ACSM2B: variants seen among roughly 807,000 people sequenced by gnomAD.
ACSM2B encodes the protein acyl-coenzyme A synthetase ACSM2B, mitochondrial.
In ACSM2B, 58 loss-of-function variants were observed where a neutral mutation model predicts 78.6. The ratio of observed to expected loss-of-function variants is 0.74; its 90% confidence interval spans 0.60 to 0.92. ACSM2B has a LOEUF of 0.92. ACSM2B is among the 40% of genes least tolerant of loss of function. The pLI, the probability that ACSM2B is intolerant of heterozygous loss-of-function variation, is 0.00. For synonymous variants in ACSM2B, 257 were observed against 256.8 expected (o/e 1.00, Z -0.01); for missense variants, 688 against 711.2 (o/e 0.97, Z 0.37).
intron 9 of ACSM2B, among the ~76,000 whole-genome samples, chr16:20,546,020 C>T (rs1419857560): frequency 6.6e-6 from 1 of 152,152 alleles, no homozygotes; most frequent in Non-Finnish European, 1.5e-5. Flanking sequence ...AAAAATCATG[C>T]TGCAGGTTGG....
In ACSM2B at chr16:20,553,767, C is replaced by T. The variant is rs750879046; in HGVS notation, c.740+10G>A. ...TGCAATTCTCTGTAGAGAGAAAGAG[C>T]TCAGCTTACCCAGCATCCATCTTGG... On this transcript the variant is annotated intron_variant, in intron 5 of 13. Transcript: ENST00000329697. 1 of 1,607,312 alleles carries T rather than the reference C, an allele frequency of 6.2e-7. No homozygotes were observed. The highest frequency in any genetic ancestry group is 8.5e-7 in the Non-Finnish European group (1 of 1,175,798).
chr16:20,559,136 T>C, intron 3 of ACSM2B, 101 bp downstream of exon 3: 1 of 1,485,552 alleles, frequency 6.7e-7, no homozygotes, highest in Non-Finnish European at 9.0e-7. Context: ...GACAGCATGC[T>C]CCAAGGCAGA....
In ACSM2B at chr16:20,570,095, T is replaced by C. The variant is rs542890430; in HGVS notation, c.-8-5242A>G. Among the ~76,000 whole-genome samples, 4 of 152,040 alleles carry C rather than the reference T, an allele frequency of 2.6e-5. No individual in the cohort carries two copies. In the East Asian group the frequency reaches 5.8e-4, roughly 22 times the overall value. ...GATCTGGCTAGGACTTCCAGTACTA[T>C]ACTGGATACAAGTGGTGAGAGTAAG... On this transcript the variant is annotated intron_variant, in intron 1 of 13. Coordinates refer to ENST00000329697, the MANE Select transcript of ACSM2B (RefSeq NM_001105069.2).
intron 10 of ACSM2B, chr16:20,544,885 T>C: frequency 8.8e-7 from 1 of 1,138,684 alleles, no homozygotes. Context: ...GGGTCAATAA[T>C]ATTTTGGGCA....
intron 10 of ACSM2B, chr16:20,544,638 G>C: frequency 1.0e-6 from 1 of 985,374 alleles, no homozygotes. Flanking sequence ...GCTTGAGCAA[G>C]TCTTGTAATC....
At chr16:20,548,327 T>A in intron 7 of ACSM2B, 67 bp downstream of exon 7, 2 of 1,607,826 alleles carry the variant, frequency 1.2e-6, no homozygotes, top group Non-Finnish European at 8.5e-7. Context: ...TAGATAGGCA[T>A]GAATGTATGT....
chr16:20,575,346 G>C (rs1322508033), intron 1 of ACSM2B: 1 of 151,220 alleles, frequency 6.6e-6, no homozygotes, highest in Non-Finnish European at 1.5e-5. Flanking sequence ...AGTTTACTAA[G>C]TATTAACATA....
At chr16:20,557,672 C>G (rs890175023) in intron 3 of ACSM2B, among the ~76,000 whole-genome samples, 7 of 152,236 alleles carry the variant, frequency 4.6e-5, no homozygotes, top group African/African-American at 1.7e-4. Context: ...CCATGGACCA[C>G]AAGGCACTGC....
intron 4 of ACSM2B, chr16:20,554,326 G>A (rs148897747): frequency 2.2e-5 from 8 of 361,744 alleles, no homozygotes; most frequent in African/African-American, 8.6e-5. Flanking sequence ...GGACAGGAGG[G>A]GTGGAATTAA....
chr16:20,567,457 A>G lies in ACSM2B; in HGVS notation c.-8-2604T>C, dbSNP rs557603416. ...TATATAATATATAGTATATTATTATATAACATATAATAATAGTATAACAGT... is the reference window on the plus strand; with the variant it reads ...TATATAATATATAGTATATTATTATGTAACATATAATAATAGTATAACAGT... On this transcript the variant is annotated intron_variant, in intron 1 of 13. Transcript: ENST00000329697. Among the ~76,000 whole-genome samples the G allele has an allele frequency of 2.5e-5, 3 of 119,544 alleles. No homozygotes were observed. The South Asian group carries it at 6.7e-4, about 27-fold the overall frequency. 78.4% of individuals were successfully genotyped at this position (119,544 alleles called of 152,430 possible).
chr16:20,537,488 C>T, intron 13 of ACSM2B, 126 bp from the exon 14 acceptor site: 1 of 986,978 alleles, frequency 1.0e-6, no homozygotes, highest in South Asian at 1.5e-5. Context: ...CCGCCCTGTG[C>T]AATAAGAAGC....
intron 8 of ACSM2B, chr16:20,547,485 GA>G (rs2015175239): frequency 1.0e-6 from 1 of 975,028 alleles, no homozygotes; most frequent in Non-Finnish European, 1.2e-6. Flanking sequence ...AAAAGGAGAA[GA>G]AGAGTTGGGG....
In ACSM2B at chr16:20,559,466, T is replaced by C; in HGVS notation, c.178-19A>G. On this transcript the variant is annotated intron_variant, in intron 2 of 13. Transcript: ENST00000329697. Reference sequence around the variant, plus strand: ...TGCCAGCCTGAGGAAAGAGAAACCCTGTTGATTAGGGGGCATTGGTACACA... The same window carrying C: ...TGCCAGCCTGAGGAAAGAGAAACCCCGTTGATTAGGGGGCATTGGTACACA... 6.2e-7 allele frequency: 1 copy of C among 1,612,362 alleles called. No homozygotes were observed. Among genetic ancestry groups the C allele is most frequent in the Non-Finnish European group, 8.5e-7 (1 of 1,179,134 alleles).
At chr16:20,552,893 T>C (rs2015362545) in intron 5 of ACSM2B, among the ~76,000 whole-genome samples, 1 of 152,212 alleles carries the variant, frequency 6.6e-6, no homozygotes, top group African/African-American at 2.4e-5. Context: ...TTCCTGAAGA[T>C]GATTAATACT....
In ACSM2B at chr16:20,548,466, G is replaced by C; in HGVS notation, c.902C>G (p.Ser301Cys). ...FDPLVILKTL[S>C]SYPIKSMMGA... ...CATCATACTCTTGATTGGATAACTG[G>C]AGAGTGTCTGGAAGACAAGAGCCAG... Residue 301 changes from serine (S) to cysteine (C), a missense_variant, in exon 7 of 14, where the codon TCC becomes TGC. Coordinates refer to ENST00000329697, the MANE Select transcript of ACSM2B (RefSeq NM_001105069.2). 1 of 1,613,582 alleles carries C rather than the reference G, an allele frequency of 6.2e-7. No individual in the cohort carries two copies. The highest frequency in any genetic ancestry group is 1.1e-5 in the South Asian group (1 of 91,048).
rs1315280456 is a variant in ACSM2B at position 20,555,336 on chromosome 16, G to C, written c.529C>G (p.Leu177Val). 1 of 1,613,914 alleles carries C rather than the reference G, an allele frequency of 6.2e-7. No homozygotes were observed. Among genetic ancestry groups the C allele is most frequent in the South Asian group, 1.1e-5 (1 of 91,072 alleles). ...VDTVASECPS[L>V]RIKLLVSEKS... The stretch of plus-strand genomic sequence containing the variant: ...TCAGACACCAGTAGCTTAATTCTCA[G>C]AGAAGGACATTCAGATGCCACTGTG... The change falls in exon 4 of 14, where the codon CTG becomes GTG. Residue 177 changes from leucine (L) to valine (V), a missense_variant. Physicochemically the swap from Leu to Val is conservative, Grantham distance 32 (BLOSUM62 1). Coordinates refer to ENST00000329697, the MANE Select transcript of ACSM2B (RefSeq NM_001105069.2).
intron 9 of ACSM2B, among the ~76,000 whole-genome samples, chr16:20,546,138 T>A (rs2015134655): frequency 6.6e-6 from 1 of 152,158 alleles, no homozygotes; most frequent in Non-Finnish European, 1.5e-5. Context: ...GCATATATAC[T>A]TGTATACTGT....
intron 6 of ACSM2B, among the ~76,000 whole-genome samples, chr16:20,549,411 T>C (rs2015237300): frequency 6.6e-6 from 1 of 152,000 alleles, no homozygotes; most frequent in South Asian, 2.1e-4. Flanking sequence ...GTTCGGGGCA[T>C]CACATGGCAA....
rs2014845575 is a variant in ACSM2B, at chr16:20,536,372, T to C, written c.*886A>G. 6.6e-6 allele frequency: 1 copy of C among 152,186 alleles called. No individual in the cohort carries two copies. The highest frequency in any genetic ancestry group is 6.5e-5 in the Admixed American group (1 of 15,276). The allele number at this position is 152,186 out of a possible 1,614,324, so 9.4% of individuals were successfully genotyped here. A position where few individuals can be genotyped will look rare whatever the true frequency, so the allele number is the denominator to read the frequency against. On this transcript the variant is annotated 3_prime_UTR_variant, in exon 14 of 14. Coordinates refer to ENST00000329697, the MANE Select transcript of ACSM2B (RefSeq NM_001105069.2). ...AGTGCTTACTTTGTTCTCACAGCTA[T>C]GATCTAAGGTCTGTAGATGCCACAC...
Sources: gnomAD v4.1 joint callset for allele counts (sites outside exome capture counted in the v4.1 genomes callset) on GRCh38, gnomAD v4.1.1 for gene constraint, MANE v1.5 for transcripts, NCBI Gene and HGNC (gene_info 2026-07-23, HGNC 2026-07-21) for gene names.